The following PHACTR1 variants were observed in gnomAD, a reference collection of about 807,000 sequenced individuals.
PHACTR1 encodes phosphatase and actin regulator 1, also known as RPEL repeat containing 1.
A neutral mutation model predicts 69.2 loss-of-function variants in PHACTR1; 16 were observed. The observed-to-expected ratio is 0.23, with a 90% CI of 0.16 to 0.35. The LOEUF is 0.35. Among genes scored for constraint, PHACTR1 ranks in the 10% least tolerant of loss-of-function variants. The pLI is 1.00. For missense variants in PHACTR1, 510 were observed against 734.7 expected, an observed-to-expected ratio of 0.69 and a Z score of 3.54; for synonymous variants, 312 against 284.5, an observed-to-expected ratio of 1.10 and a Z score of -0.97.
At chr6:12,898,493 C>T (rs1784896738) in intron 4 of PHACTR1, among the ~76,000 whole-genome samples, 1 of 152,204 alleles carries the variant, frequency 6.6e-6, no homozygotes, top group African/African-American at 2.4e-5. Flanking sequence ...ATTTGCCAAA[C>T]CAGAAACCTG....
intron 4 of PHACTR1, among the ~76,000 whole-genome samples, chr6:12,780,249 CTGTGTGTGTGTG>C (rs71552713): frequency 7.9e-4 from 117 of 147,540 alleles, no homozygotes; most frequent in South Asian, 1.3e-3. Flanking sequence ...TATCTTTTCT[CTGTGTGTGTGTG>C]TGTGTGTGTG....
At chr6:12,865,144 C>G (rs6921974) in intron 4 of PHACTR1, among the ~76,000 whole-genome samples, 157 of 151,972 alleles carry the variant, frequency 1.0e-3, no homozygotes, top group African/African-American at 3.5e-3. Flanking sequence ...CCCCCAGTCC[C>G]GGACAACTAT....
chr6:12,921,833 G>GGGAGGGAGAGAGGGGGGGAGGGAGGGAC (rs1787751326), intron 4 of PHACTR1, among the ~76,000 whole-genome samples: 1 of 46,904 alleles, frequency 2.1e-5, no homozygotes, highest in Non-Finnish European at 3.8e-5. Context: ...AAGGAAGGAA[G>GGGAGGGAGAGAGGGGGGGAGGGAGGGAC]GGAGGGAGAG....
chr6:12,766,089 A>G (rs936496664), intron 4 of PHACTR1, among the ~76,000 whole-genome samples: 2 of 152,148 alleles, frequency 1.3e-5, no homozygotes, highest in Admixed American at 6.6e-5. Context: ...CACTGTGACA[A>G]AAATCATGGG....
chr6:12,990,515 G>A (rs1236435728), intron 4 of PHACTR1, among the ~76,000 whole-genome samples: 1 of 152,276 alleles, frequency 6.6e-6, no homozygotes, highest in Non-Finnish European at 1.5e-5. Flanking sequence ...GTGGGTGCCA[G>A]GGCCGGGCCA....
intron 10 of PHACTR1, among the ~76,000 whole-genome samples, chr6:13,247,360 T>TGTGTGA (rs1554171052): frequency 1.3e-5 from 2 of 151,642 alleles, no homozygotes; most frequent in African/African-American, 4.9e-5. Flanking sequence ...TGTGTGTGTG[T>TGTGTGA]GTGTGACGGA....
At chr6:13,126,898 T>C (rs1819623418) in intron 5 of PHACTR1, among the ~76,000 whole-genome samples, 1 of 152,210 alleles carries the variant, frequency 6.6e-6, no homozygotes, top group African/African-American at 2.4e-5. Flanking sequence ...TCTATTCTTT[T>C]CAAGTTTTTT....
At chr6:12,722,844 A>C (rs1420984401) in intron 3 of PHACTR1, among the ~76,000 whole-genome samples, 1 of 152,166 alleles carries the variant, frequency 6.6e-6, no homozygotes. Flanking sequence ...GTCGTTTGCC[A>C]ATGGTAAATC....
intron 10 of PHACTR1, among the ~76,000 whole-genome samples, chr6:13,257,821 T>C (rs1299804245): frequency 6.6e-6 from 1 of 152,124 alleles, no homozygotes. Flanking sequence ...TCTAGAGCTG[T>C]TGTTCTCAAA....
intron 5 of PHACTR1, among the ~76,000 whole-genome samples, chr6:13,157,404 C>T (rs527542368): frequency 3.3e-5 from 5 of 152,372 alleles, no homozygotes; most frequent in East Asian, 1.9e-4. Flanking sequence ...CTGAATGTCA[C>T]ATGAGTCTGT....
intron 4 of PHACTR1, among the ~76,000 whole-genome samples, chr6:12,969,380 C>T (rs754016312): frequency 1.3e-4 from 20 of 152,180 alleles, no homozygotes; most frequent in Non-Finnish European, 2.8e-4. Flanking sequence ...ATTCCAAATA[C>T]ACTAACTACA....
At chr6:13,204,185 T>C (rs1398314343) in intron 7 of PHACTR1, among the ~76,000 whole-genome samples, 1 of 152,128 alleles carries the variant, frequency 6.6e-6, no homozygotes, top group African/African-American at 2.4e-5. Flanking sequence ...AGGCCTTGAA[T>C]GATGTATCAG....
At chr6:13,082,872 A>C (rs982571928) in intron 5 of PHACTR1, among the ~76,000 whole-genome samples, 3 of 151,952 alleles carry the variant, frequency 2.0e-5, no homozygotes, top group African/African-American at 7.3e-5. Context: ...AGGTTGCAAA[A>C]ATTTTCTCCC....
intron 4 of PHACTR1, among the ~76,000 whole-genome samples, chr6:12,800,478 T>G (rs935983537): frequency 1.6e-4 from 25 of 152,218 alleles, no homozygotes; most frequent in African/African-American, 5.8e-4. Flanking sequence ...TGCCATTGTT[T>G]TTTCTCTTAA....
chr6:13,032,338 C>T (rs1436095579), intron 4 of PHACTR1, among the ~76,000 whole-genome samples: 1 of 152,140 alleles, frequency 6.6e-6, no homozygotes, highest in Non-Finnish European at 1.5e-5. Flanking sequence ...TAATAATGTG[C>T]TTTTATTCTC....
At chr6:12,994,320 T>C (rs999909191) in intron 4 of PHACTR1, among the ~76,000 whole-genome samples, 3 of 152,050 alleles carry the variant, frequency 2.0e-5, no homozygotes, top group East Asian at 3.9e-4. Flanking sequence ...AGAGGTGGGA[T>C]TTTTCCCCCC....
Position 13,098,169 on chromosome 6 carries a change from C to A in PHACTR1, c.415+44640C>A, listed in dbSNP as rs180823644. 2.5e-3 allele frequency among the ~76,000 whole-genome samples: 375 copies of A among 152,344 alleles called. 1 individual carries two copies. The highest frequency in any genetic ancestry group is 8.7e-3 in the African/African-American group (360 of 41,580). On this transcript the variant is annotated intron_variant, in intron 5 of 14. Transcript: ENST00000332995. Reference sequence around the variant, plus strand: ...TTTCACCTCTCATCATGGAACTTCTCAAGTTGCTCACTGCTTTACTGAAAC... The same window carrying A: ...TTTCACCTCTCATCATGGAACTTCTAAAGTTGCTCACTGCTTTACTGAAAC...
intron 3 of PHACTR1, among the ~76,000 whole-genome samples, chr6:12,746,017 T>C (rs1765744636): frequency 6.6e-6 from 1 of 152,078 alleles, no homozygotes; most frequent in South Asian, 2.1e-4. Context: ...GACTAAAGAA[T>C]GTGGAAATAT....
intron 1 of PHACTR1, 141 bp from the exon 2 acceptor site, chr6:12,717,367 TG>T (rs1009249976): frequency 3.3e-5 from 5 of 152,224 alleles, no homozygotes; most frequent in African/African-American, 7.2e-5. Context: ...AAATCTGTTT[TG>T]TTTTTTTTTT....
Sources: allele counts gnomAD v4.1 joint callset (sites outside exome capture counted in the v4.1 genomes callset), GRCh38; gene constraint gnomAD v4.1.1; transcripts MANE v1.5; gene names NCBI Gene and HGNC (gene_info 2026-07-23, HGNC 2026-07-21).